ZGRF1: variants seen among roughly 807,000 people sequenced by gnomAD.
The protein encoded by ZGRF1 is 5'-3' DNA helicase ZGRF1.
A neutral mutation model predicts 203.5 loss-of-function variants in ZGRF1; 196 were observed. The ratio of observed to expected loss-of-function variants is 0.96; its 90% confidence interval spans 0.86 to 1.08. The LOEUF is 1.08. Among genes scored for constraint, ZGRF1 ranks in the 50% least tolerant of loss-of-function variants. ZGRF1 has a pLI of 0.00. For synonymous variants in ZGRF1, 809 were observed against 841.3 expected (o/e 0.96, Z 0.66); for missense variants, 2,326 against 2,416.3 (o/e 0.96, Z 0.78).
intron 6 of ZGRF1, among the ~76,000 whole-genome samples, chr4:112,616,857 C>A (rs952277394): frequency 2.7e-5 from 4 of 150,646 alleles, no homozygotes; most frequent in Non-Finnish European, 5.9e-5. Context: ...AAAGACATAA[C>A]TGTGGAACGG....
intron 16 of ZGRF1, among the ~76,000 whole-genome samples, chr4:112,566,973 G>C (rs920983902): frequency 5.9e-5 from 9 of 151,962 alleles, no homozygotes; most frequent in African/African-American, 1.9e-4. Flanking sequence ...GGGTAGCAAT[G>C]CAAGTTCTGT....
At chr4:112,548,832 T>C (rs1739345377) in intron 22 of ZGRF1, among the ~76,000 whole-genome samples, 1 of 92,040 alleles carries the variant, frequency 1.1e-5, no homozygotes, top group African/African-American at 4.1e-5. Context: ...AATGTAAAGA[T>C]GGCCGGGCGC....
chr4:112,635,401 T>C (rs1342998415), intron 1 of ZGRF1, among the ~76,000 whole-genome samples: 1 of 151,730 alleles, frequency 6.6e-6, no homozygotes, highest in Non-Finnish European at 1.5e-5. Flanking sequence ...TATTTGGAGG[T>C]TTTGTTTCTG....
chr4:112,589,632 G>T, intron 11 of ZGRF1, 92 bp downstream of exon 11: 1 of 1,167,508 alleles, frequency 8.6e-7, no homozygotes, highest in Non-Finnish European at 1.3e-6. Flanking sequence ...ACTGAATCTG[G>T]TTCTAAGATA....
At chr4:112,559,833 A>G (rs1741618291) in intron 19 of ZGRF1, among the ~76,000 whole-genome samples, 1 of 152,028 alleles carries the variant, frequency 6.6e-6, no homozygotes, top group South Asian at 2.1e-4. Flanking sequence ...TAGACCCCAC[A>G]CTCTTACCCA....
intron 16 of ZGRF1, among the ~76,000 whole-genome samples, chr4:112,566,819 G>A (rs1743187958): frequency 6.6e-6 from 1 of 152,010 alleles, no homozygotes; most frequent in Non-Finnish European, 1.5e-5. Context: ...AAGAGGGTGG[G>A]GAGGCTCTTG....
intron 3 of ZGRF1, among the ~76,000 whole-genome samples, chr4:112,629,405 T>C (rs1327755863): frequency 6.6e-6 from 1 of 152,236 alleles, no homozygotes; most frequent in Non-Finnish European, 1.5e-5. Context: ...GCGCGGTGGC[T>C]TATGCCTGTA....
At chr4:112,585,057 G>A (rs1260537841) in intron 14 of ZGRF1, among the ~76,000 whole-genome samples, 1 of 152,084 alleles carries the variant, frequency 6.6e-6, no homozygotes, top group African/African-American at 2.4e-5. Context: ...CCCCTTCTCA[G>A]TGATCTCACT....
intron 3 of ZGRF1, among the ~76,000 whole-genome samples, chr4:112,624,878 C>G (rs974196899): frequency 1.1e-4 from 17 of 152,112 alleles, no homozygotes; most frequent in African/African-American, 4.1e-4. Flanking sequence ...AAACATATAT[C>G]TATACAAAAA....
In ZGRF1 at chr4:112,541,131, T is replaced by G; in HGVS notation, c.5736A>C (p.Leu1912=). ...EIERSPLLEW[L]PTLCFYNVKG... ...TAACATTATAAAAACACAGGGTTGG[T>G]AGCCATTCCAATAAAGGGCTCCGCT... The change falls in exon 25 of 28, where the codon CTA becomes CTC. Residue 1912 remains leucine (L), a synonymous_variant. Coordinates refer to ENST00000505019, the MANE Select transcript of ZGRF1 (RefSeq NM_018392.5). The G allele has an allele frequency of 6.2e-7, 1 of 1,606,230 alleles. No homozygotes were observed. Among genetic ancestry groups the G allele is most frequent in the African/African-American group, 1.3e-5 (1 of 74,916 alleles).
chr4:112,589,374 G>C (rs886267798), intron 11 of ZGRF1, among the ~76,000 whole-genome samples: 5 of 152,158 alleles, frequency 3.3e-5, no homozygotes, highest in Admixed American at 6.5e-5. Context: ...TGGTGTTGAT[G>C]AGACACTTGC....
intron 5 of ZGRF1, 63 bp from the exon 6 acceptor site, chr4:112,619,753 G>A: frequency 7.7e-7 from 1 of 1,292,838 alleles, no homozygotes; most frequent in Non-Finnish European, 1.1e-6. Context: ...GAAATGAACT[G>A]GCTAAGAAAA....
chr4:112,562,095 G>C (rs997290090), intron 18 of ZGRF1, among the ~76,000 whole-genome samples: 4 of 151,950 alleles, frequency 2.6e-5, no homozygotes. Flanking sequence ...TTTTAGTAGA[G>C]ACAGGGTTTC....
chr4:112,617,283 C>T (rs1481615248), intron 6 of ZGRF1, among the ~76,000 whole-genome samples, 157 bp downstream of exon 6: 2 of 152,110 alleles, frequency 1.3e-5, no homozygotes, highest in African/African-American at 2.4e-5. Flanking sequence ...CTTTTCATTG[C>T]TACTATTCTC....
chr4:112,631,854 G>A, intron 3 of ZGRF1, 76 bp downstream of exon 3: 1 of 649,072 alleles, frequency 1.5e-6, no homozygotes, highest in Non-Finnish European at 2.6e-6. Context: ...ATTTTATCAT[G>A]TACAGTTTTT....
At position 112,608,195 on chromosome 4, in the gene ZGRF1, C is replaced by T. The variant is rs138641714; in HGVS notation, c.2718+1184G>A. On this transcript the variant is annotated intron_variant, in intron 8 of 27. Transcript: ENST00000505019. ...TCCTGAGTAACTGAGATTATAGGCA[C>T]GGGCCACTGCTCCCGGCTTCAACAG... Among the ~76,000 whole-genome samples the T allele has an allele frequency of 2.2e-3, 341 of 152,236 alleles. 10 individuals are homozygous for T. In the East Asian group the frequency reaches 0.056, roughly 25 times the overall value.
At chr4:112,603,416 A>T in intron 10 of ZGRF1, 108 bp downstream of exon 10, 1 of 628,184 alleles carries the variant, frequency 1.6e-6, no homozygotes, top group Non-Finnish European at 2.6e-6. Flanking sequence ...AATTTACTGT[A>T]CTCCTTTTTA....
chr4:112,587,567 C>T lies in ZGRF1; in HGVS notation c.3490G>A (p.Asp1164Asn). The T allele has an allele frequency of 6.2e-7, 1 of 1,613,884 alleles. No individual in the cohort carries two copies. Among genetic ancestry groups the T allele is most frequent in the Non-Finnish European group, 8.5e-7 (1 of 1,179,848 alleles). Reference sequence around the variant, plus strand: ...AAGAAGCCATCAGTTATTCTCTTATCAACTCTGTTTGGAGTAGCCACGTTG... The same window carrying T: ...AAGAAGCCATCAGTTATTCTCTTATTAACTCTGTTTGGAGTAGCCACGTTG... ...QCNVATPNRVDKRITDGFFAE... is the reference protein window; with the variant it reads ...QCNVATPNRVNKRITDGFFAE... Residue 1164 changes from aspartate (D) to asparagine (N), a missense_variant, in exon 12 of 28, where the codon GAT (aspartate) becomes AAT (asparagine). Physicochemically the swap from Asp to Asn is conservative, Grantham distance 23. Transcript: ENST00000505019.
rs771587143 is a variant in ZGRF1 at position 112,619,651 on chromosome 4, T to A, written c.391A>T (p.Ile131Phe). 1 of 1,612,076 alleles carries A rather than the reference T, an allele frequency of 6.2e-7. No individual in the cohort carries two copies. The highest frequency in any genetic ancestry group is 8.5e-7 in the Non-Finnish European group (1 of 1,179,434). The change falls in exon 6 of 28, where the codon ATT (isoleucine) becomes TTT (phenylalanine). Residue 131 changes from isoleucine to phenylalanine, a missense_variant. Coordinates refer to ENST00000505019, the MANE Select transcript of ZGRF1 (RefSeq NM_018392.5). ...GCAGCTGATTCACCACTTTCCATAATAACCATTTTCTTTGGAACCTGACGT... is the reference window on the plus strand; with the variant it reads ...GCAGCTGATTCACCACTTTCCATAAAAACCATTTTCTTTGGAACCTGACGT... ...GPRQVPKKMV[I>F]MESGESAASH...
Sources: gnomAD v4.1 joint callset for allele counts (sites outside exome capture counted in the v4.1 genomes callset) on GRCh38, gnomAD v4.1.1 for gene constraint, MANE v1.5 for transcripts, NCBI Gene and HGNC (gene_info 2026-07-23, HGNC 2026-07-21) for gene names.